The following NAMPT variants were observed in gnomAD, a reference collection of about 807,000 sequenced individuals.
NAMPT encodes the protein nicotinamide phosphoribosyltransferase.
A neutral mutation model predicts 58.7 loss-of-function variants in NAMPT; 7 were observed. The ratio of observed to expected loss-of-function variants is 0.12; its 90% CI spans 0.07 to 0.22. The LOEUF (loss-of-function observed/expected upper bound fraction) is 0.22, where lower values mean the gene tolerates loss of function less well. Among genes scored for constraint, NAMPT ranks in the 10% least tolerant of loss-of-function variants. The probability of loss-of-function intolerance (pLI) is 1.00; values close to 1 mark genes in which losing one functional copy is unlikely to be tolerated. For missense variants in NAMPT, 271 were observed against 567.9 expected, an observed-to-expected ratio of 0.48 and a Z score of 5.31; for synonymous variants, 145 against 198.1, an observed-to-expected ratio of 0.73 and a Z score of 2.25.
intron 8 of NAMPT, among the ~76,000 whole-genome samples, chr7:106,256,195 A>G (rs1792196391): frequency 6.6e-6 from 1 of 152,380 alleles, no homozygotes; most frequent in Admixed American, 6.5e-5. Context: ...GACTGAATCC[A>G]TAACTGAAAC....
chr7:106,281,688 G>GC (rs941466312), intron 1 of NAMPT, among the ~76,000 whole-genome samples: 3 of 152,092 alleles, frequency 2.0e-5, no homozygotes, highest in Admixed American at 1.3e-4. Context: ...TCTGTCTGTT[G>GC]CCCCCAAAAA....
chr7:106,259,878 CT>C (rs78910620), intron 8 of NAMPT, among the ~76,000 whole-genome samples: 329 of 132,772 alleles, frequency 2.5e-3, no homozygotes, highest in South Asian at 0.015. Flanking sequence ...TCGAAACAAT[CT>C]TTTTTTTTTT....
chr7:106,266,323 G>A (rs1259220200), intron 6 of NAMPT, among the ~76,000 whole-genome samples: 2 of 152,148 alleles, frequency 1.3e-5, no homozygotes, highest in African/African-American at 4.8e-5. Flanking sequence ...AAGTCCTAAA[G>A]AAGATATTAT....
At chr7:106,274,010 T>C (rs893231143) in intron 3 of NAMPT, among the ~76,000 whole-genome samples, 3 of 151,752 alleles carry the variant, frequency 2.0e-5, no homozygotes, top group East Asian at 1.9e-4. Flanking sequence ...CAACTGATCA[T>C]TGTAATAAAA....
chr7:106,266,991 T>A (rs1479087562), intron 6 of NAMPT, among the ~76,000 whole-genome samples: 5 of 152,220 alleles, frequency 3.3e-5, no homozygotes, highest in Non-Finnish European at 7.4e-5. Flanking sequence ...GTTTCAGCCC[T>A]TATTCTCTAA....
At chr7:106,272,340 C>CTATTCTACTAGAAGAAACCTTAAAGATTA (rs1489139716) in intron 4 of NAMPT, 190 bp downstream of exon 4, 14 of 469,618 alleles carry the variant, frequency 3.0e-5, no homozygotes, top group African/African-American at 1.4e-4. Flanking sequence ...TCAGAACATT[C>CTATTCTACTAGAAGAAACCTTAAAGATTA]TATTCTACTA....
intron 4 of NAMPT, chr7:106,270,376 T>A (rs1792509767): frequency 3.3e-6 from 1 of 301,572 alleles, no homozygotes; most frequent in Non-Finnish European, 7.4e-6. Context: ...AGCAAGCTTT[T>A]ACTGAATACC....
At chr7:106,282,512 A>G (rs1278587371) in intron 1 of NAMPT, among the ~76,000 whole-genome samples, 1 of 152,242 alleles carries the variant, frequency 6.6e-6, no homozygotes, top group African/African-American at 2.4e-5. Context: ...ACTTCTAACA[A>G]GAACCACGAT....
At chr7:106,263,809 T>C (rs1347655731) in intron 6 of NAMPT, among the ~76,000 whole-genome samples, 192 bp from the exon 7 acceptor site, 1 of 152,054 alleles carries the variant, frequency 6.6e-6, no homozygotes, top group Non-Finnish European at 1.5e-5. Flanking sequence ...CCCAATTAGT[T>C]TTTAACGCTT....
At position 106,249,323 on chromosome 7, in the gene NAMPT, A is replaced by C. The variant is rs188020554; in HGVS notation, c.*1760T>G. 120 of 152,694 alleles carry C rather than the reference A, an allele frequency of 7.9e-4. No individual in the cohort carries two copies. Among genetic ancestry groups the C allele is most frequent in the African/African-American group, 2.7e-3 (112 of 41,550 alleles). The allele number at this position is 152,694 out of a possible 1,614,324, so 9.5% of individuals were successfully genotyped here. Reference sequence around the variant, plus strand: ...ACCACTTACAAAAAACATTTAATGAAGATAACACTTCTAATTAGGTTATTC... The same window carrying C: ...ACCACTTACAAAAAACATTTAATGACGATAACACTTCTAATTAGGTTATTC... On this transcript the variant is annotated 3_prime_UTR_variant, in exon 11 of 11. Transcript: ENST00000222553.
At chr7:106,276,047 A>C (rs1437129241) in intron 2 of NAMPT, 1 of 152,224 alleles carries the variant, frequency 6.6e-6, no homozygotes, top group Admixed American at 6.5e-5. Context: ...ACAAAACAAA[A>C]AAACTTTGGT....
At chr7:106,272,088 G>A in intron 4 of NAMPT, 1 of 382,446 alleles carries the variant, frequency 2.6e-6, no homozygotes, top group South Asian at 2.0e-5. Flanking sequence ...GTAACAGATG[G>A]TAGATCCTAA....
intron 4 of NAMPT, among the ~76,000 whole-genome samples, chr7:106,271,566 G>A (rs1172119374): frequency 6.6e-6 from 1 of 152,048 alleles, no homozygotes; most frequent in Non-Finnish European, 1.5e-5. Context: ...ATACGGTATA[G>A]ACTATTTAAA....
chr7:106,283,654 GT>G (rs1562820768), intron 1 of NAMPT, among the ~76,000 whole-genome samples: 1 of 152,156 alleles, frequency 6.6e-6, no homozygotes, highest in African/African-American at 2.4e-5. Context: ...ACTTGATAGT[GT>G]TCGGATTTTG....
At chr7:106,257,427 A>T (rs964667661) in intron 8 of NAMPT, among the ~76,000 whole-genome samples, 4 of 149,620 alleles carry the variant, frequency 2.7e-5, no homozygotes, top group African/African-American at 9.9e-5. Context: ...TGTTTCCCAG[A>T]CTGGGAAACA....
chr7:106,264,817 A>G (rs1439830478), intron 6 of NAMPT, among the ~76,000 whole-genome samples: 1 of 152,002 alleles, frequency 6.6e-6, no homozygotes, highest in Admixed American at 6.6e-5. Context: ...TATAAGTTTA[A>G]CTCATAACTG....
chr7:106,272,042 A>T, intron 4 of NAMPT: 1 of 342,732 alleles, frequency 2.9e-6, no homozygotes, highest in South Asian at 2.4e-5. Flanking sequence ...CAATATGAAC[A>T]GCAGATCTTG....
In NAMPT at chr7:106,253,036, T is replaced by G; in HGVS notation, c.1346A>C (p.Asp449Ala). 6.2e-7 allele frequency: 1 copy of G among 1,613,328 alleles called. No homozygotes were observed. The highest frequency in any genetic ancestry group is 8.5e-7 in the Non-Finnish European group (1 of 1,179,416). The change falls in exon 10 of 11, where the codon GAC (aspartate) becomes GCC (alanine). Residue 449 changes from aspartate (D) to alanine (A), a missense_variant. This residue lies in a region of NAMPT where 143 missense variants were observed against 331.1 expected (regional missense o/e 0.43). Coordinates refer to ENST00000222553, the MANE Select transcript of NAMPT (RefSeq NM_005746.3). ...ACATACCTGACCATATTCCTCAAGGTCTCCTTTTCCTTCCTCCAGTGTAAC... is the reference window on the plus strand; with the variant it reads ...ACATACCTGACCATATTCCTCAAGGGCTCCTTTTCCTTCCTCCAGTGTAAC... ...NFVTLEEGKGDLEEYGQDLLH... is the reference protein window; with the variant it reads ...NFVTLEEGKGALEEYGQDLLH...
chr7:106,285,443 G>T, upstream of NAMPT: 1 of 717,670 alleles, frequency 1.4e-6, no homozygotes, highest in Non-Finnish European at 1.7e-6. Flanking sequence ...ACCCAGTCCT[G>T]GCCGGTTTTC....
Sources: gnomAD v4.1 joint callset for allele counts (sites outside exome capture counted in the v4.1 genomes callset) on GRCh38, gnomAD v4.1.1 for gene constraint, gnomAD v4.1.1 regional missense constraint, MANE v1.5 for transcripts, NCBI Gene and HGNC (gene_info 2026-07-23, HGNC 2026-07-21) for gene names.